The following VRK2 variants were observed in gnomAD, a reference collection of about 807,000 sequenced individuals.
VRK2 encodes the protein VRK serine/threonine kinase 2, also known as serine/threonine-protein kinase VRK2.
Under a neutral mutation model 57.6 loss-of-function variants are expected in VRK2, and 60 were observed. The observed-to-expected ratio is 1.04, with a 90% confidence interval of 0.85 to 1.29. The LOEUF is 1.29. Among genes scored for constraint, VRK2 ranks in the 50% most tolerant of loss-of-function variants. The probability of loss-of-function intolerance (pLI) is 0.00; values close to 1 mark genes in which losing one functional copy is unlikely to be tolerated. For missense variants in VRK2, 705 were observed against 588.1 expected, an observed-to-expected ratio of 1.20 and a Z score of -2.06; for synonymous variants, 231 against 199.2, an observed-to-expected ratio of 1.16 and a Z score of -1.35.
At chr2:58,003,561 T>G (rs546575828) in intron 1 of VRK2, among the ~76,000 whole-genome samples, 6 of 152,296 alleles carry the variant, frequency 3.9e-5, no homozygotes, top group African/African-American at 1.4e-4. Context: ...GCAAATTATT[T>G]TTAGCATAAT....
intron 7 of VRK2, among the ~76,000 whole-genome samples, chr2:58,110,931 A>G: frequency 6.6e-6 from 1 of 152,174 alleles, no homozygotes; most frequent in South Asian, 2.1e-4. Flanking sequence ...CTGCCCAGGA[A>G]GAGTGTGGCC....
At chr2:58,060,734 A>C (rs979301611) in intron 2 of VRK2, among the ~76,000 whole-genome samples, 4 of 151,948 alleles carry the variant, frequency 2.6e-5, no homozygotes, top group African/African-American at 9.7e-5. Flanking sequence ...TCAAAAGAGC[A>C]GGGCTAAAGA....
intron 1 of VRK2, among the ~76,000 whole-genome samples, chr2:57,999,100 T>C (rs1208970324): frequency 6.6e-6 from 1 of 152,170 alleles, no homozygotes; most frequent in African/African-American, 2.4e-5. Context: ...TGGGTTCATT[T>C]GGAGGAGGAC....
chr2:58,091,059 G>A (rs1439061597), intron 7 of VRK2, among the ~76,000 whole-genome samples: 2 of 152,138 alleles, frequency 1.3e-5, no homozygotes, highest in African/African-American at 4.8e-5. Flanking sequence ...GGTTAGAAGG[G>A]AGAGGAAGGA....
At chr2:58,006,667 A>G (rs770305103) in intron 1 of VRK2, among the ~76,000 whole-genome samples, 2 of 152,074 alleles carry the variant, frequency 1.3e-5, no homozygotes, top group African/African-American at 2.4e-5. Context: ...GCAGGATTCA[A>G]TCTCCAAGGC....
chr2:58,043,788 A>G (rs1674561998), upstream of VRK2, among the ~76,000 whole-genome samples: 1 of 152,222 alleles, frequency 6.6e-6, no homozygotes, highest in African/African-American at 2.4e-5. Context: ...TATGTTTGAC[A>G]CTATAAGAAC....
At chr2:58,004,346 G>C (rs985508586) in intron 1 of VRK2, among the ~76,000 whole-genome samples, 5 of 152,218 alleles carry the variant, frequency 3.3e-5, no homozygotes, top group African/African-American at 1.2e-4. Flanking sequence ...TTTCTAAAAT[G>C]TATTACTGAG....
At chr2:57,946,282 A>G (rs1671258044) in intron 1 of VRK2, among the ~76,000 whole-genome samples, 1 of 152,050 alleles carries the variant, frequency 6.6e-6, no homozygotes, top group African/African-American at 2.4e-5. Flanking sequence ...AAAATCAGCT[A>G]TGAGAAGCCA....
chr2:58,131,727 G>A, intron 8 of VRK2, 81 bp from the exon 9 acceptor site: 1 of 1,458,494 alleles, frequency 6.9e-7, no homozygotes, highest in Non-Finnish European at 9.1e-7. Flanking sequence ...TATTTCATCA[G>A]TAGTAGTTCA....
chr2:58,084,196 T>C, intron 3 of VRK2, 58 bp downstream of exon 3: 1 of 1,523,430 alleles, frequency 6.6e-7, no homozygotes, highest in Non-Finnish European at 8.9e-7. Flanking sequence ...CTTTTCTGCT[T>C]TAAGAATGTT....
At chr2:58,152,149 G>A (rs899131159) in intron 12 of VRK2, among the ~76,000 whole-genome samples, 1 of 151,658 alleles carries the variant, frequency 6.6e-6, no homozygotes, top group African/African-American at 2.4e-5. Flanking sequence ...ATCCACAATG[G>A]TATAATCAGA....
intron 11 of VRK2, among the ~76,000 whole-genome samples, chr2:58,144,981 A>C (rs1279367968): frequency 6.6e-6 from 1 of 151,956 alleles, no homozygotes; most frequent in Non-Finnish European, 1.5e-5. Flanking sequence ...TTGCCCAGCC[A>C]ATGTAATTCA....
intron 1 of VRK2, among the ~76,000 whole-genome samples, chr2:58,024,166 T>C (rs909625347): frequency 3.3e-5 from 5 of 152,070 alleles, no homozygotes; most frequent in East Asian, 3.9e-4. Flanking sequence ...CTACTAAAAG[T>C]ACAAAAAATA....
At chr2:57,962,618 C>T (rs1321839060) in intron 1 of VRK2, among the ~76,000 whole-genome samples, 3 of 152,052 alleles carry the variant, frequency 2.0e-5, no homozygotes, top group East Asian at 1.9e-4. Context: ...TTTCCTTCTT[C>T]GAGTCCATGT....
At chr2:58,021,364 T>A (rs1315832460) in intron 1 of VRK2, among the ~76,000 whole-genome samples, 1 of 152,138 alleles carries the variant, frequency 6.6e-6, no homozygotes, top group Non-Finnish European at 1.5e-5. Flanking sequence ...TGGGCTTACA[T>A]CCCTTCATAT....
chr2:58,138,528 C>T (rs887811933), intron 10 of VRK2, among the ~76,000 whole-genome samples: 6 of 152,152 alleles, frequency 3.9e-5, no homozygotes, highest in Non-Finnish European at 7.3e-5. Flanking sequence ...TCACTCTTAA[C>T]TTTAATAGGG....
chr2:58,041,042 T>C (rs916697804), intron 3 of VRK2: 1 of 985,160 alleles, frequency 1.0e-6, no homozygotes, highest in East Asian at 1.1e-4. Flanking sequence ...ATCCAGCTCA[T>C]GTTTTTGGTT....
At chr2:57,958,995 T>C (rs1671673529) in intron 1 of VRK2, among the ~76,000 whole-genome samples, 1 of 152,220 alleles carries the variant, frequency 6.6e-6, no homozygotes, top group Admixed American at 6.5e-5. Context: ...GGCCTGGATA[T>C]GTGTAGCATA....
intron 12 of VRK2, among the ~76,000 whole-genome samples, chr2:58,150,562 GT>G (rs35146685): frequency 0.34 from 32,813 of 95,466 alleles, 6,324 homozygotes; most frequent in African/African-American, 0.65. Flanking sequence ...TTTTTTTTTA[GT>G]TTTTTTTTTT....
Sources: allele counts gnomAD v4.1 joint callset (sites outside exome capture counted in the v4.1 genomes callset), GRCh38; gene constraint gnomAD v4.1.1; transcripts MANE v1.5; gene names NCBI Gene and HGNC (gene_info 2026-07-23, HGNC 2026-07-21).